Variants in ELMO1 observed in about 807,000 individuals in gnomAD.
The protein encoded by ELMO1 is engulfment and cell motility protein 1.
ELMO1 carries 26 observed loss-of-function variants against 98.9 expected under a neutral mutation model. The observed-to-expected ratio is 0.26, with a 90% CI of 0.19 to 0.36. ELMO1 has a LOEUF of 0.36. Among genes scored for constraint, ELMO1 ranks in the 10% least tolerant of loss-of-function variants. The pLI is 1.00. For synonymous variants in ELMO1, 346 were observed against 346.0 expected (o/e 1.00, Z 0.00); for missense variants, 627 against 935.2 (o/e 0.67, Z 4.30).
chr7:37,319,774 C>G (rs1301404363), intron 2 of ELMO1, among the ~76,000 whole-genome samples: 1 of 152,162 alleles, frequency 6.6e-6, no homozygotes, highest in Non-Finnish European at 1.5e-5. Flanking sequence ...TCTTCCACAA[C>G]CTCTCTCCCT....
At chr7:37,298,558 G>GT (rs1461672456) in intron 4 of ELMO1, among the ~76,000 whole-genome samples, 1 of 147,348 alleles carries the variant, frequency 6.8e-6, no homozygotes, top group African/African-American at 2.5e-5. Flanking sequence ...GCGGTGTTTG[G>GT]TTTTTTGTTC....
intron 4 of ELMO1, among the ~76,000 whole-genome samples, chr7:37,308,922 G>A (rs1210263484): frequency 1.3e-5 from 2 of 152,152 alleles, no homozygotes; most frequent in East Asian, 3.9e-4. Context: ...AGCAAGACAT[G>A]GGTTTAACAG....
In ELMO1 at chr7:37,420,357, G is replaced by A. The variant is rs79310753; in HGVS notation, c.-74+28318C>T. ...TATATTACCATGAAGCTAAGAAACC[G>A]TAATCTTCAGAGCCTTCCACTTGAC... On this transcript the variant is annotated intron_variant, in intron 1 of 21. Transcript: ENST00000310758. 4.5e-3 allele frequency among the ~76,000 whole-genome samples: 681 copies of A among 152,304 alleles called. 3 individuals carry two copies. Among genetic ancestry groups the A allele is most frequent in the African/African-American group, 0.016 (654 of 41,578 alleles).
At chr7:37,433,962 A>T (rs1241149531) in intron 1 of ELMO1, among the ~76,000 whole-genome samples, 1 of 152,182 alleles carries the variant, frequency 6.6e-6, no homozygotes, top group Non-Finnish European at 1.5e-5. Flanking sequence ...ATGGAACAAG[A>T]TTTTTATTAA....
At chr7:36,993,861 C>G (rs1432119621) in intron 16 of ELMO1, among the ~76,000 whole-genome samples, 1 of 152,182 alleles carries the variant, frequency 6.6e-6, no homozygotes, top group Admixed American at 6.5e-5. Flanking sequence ...CAATTCTCTC[C>G]ACACAATGAA....
At chr7:37,273,264 C>T (rs74636719) in intron 4 of ELMO1, among the ~76,000 whole-genome samples, 1,524 of 152,186 alleles carry the variant, frequency 0.01, 27 homozygotes, top group African/African-American at 0.035. Context: ...AATTGTAATC[C>T]CCATGTGTTA....
chr7:37,110,005 C>A (rs1249269772), intron 14 of ELMO1, among the ~76,000 whole-genome samples: 1 of 152,196 alleles, frequency 6.6e-6, no homozygotes, highest in Non-Finnish European at 1.5e-5. Flanking sequence ...GCAACCTTGA[C>A]CGCCTCCAGA....
At chr7:37,399,774 T>G (rs746918536) in intron 1 of ELMO1, among the ~76,000 whole-genome samples, 10 of 152,204 alleles carry the variant, frequency 6.6e-5, no homozygotes, top group Non-Finnish European at 1.3e-4. Flanking sequence ...AGGGACCATT[T>G]CCTGTATAAT....
chr7:36,933,612 C>T (rs1584395234), intron 16 of ELMO1, among the ~76,000 whole-genome samples: 1 of 152,292 alleles, frequency 6.6e-6, no homozygotes, highest in East Asian at 1.9e-4. Context: ...GTGTGCAACG[C>T]TTTCCTGCTA....
rs182000736 is a variant in ELMO1 at position 37,186,937 on chromosome 7, C to G, written c.1086+24449G>C. On this transcript the variant is annotated intron_variant, in intron 13 of 21. Transcript: ENST00000310758. Reference sequence around the variant, plus strand: ...TTAAACATAGAGTCAGTATGTGATACAATCAGTGTGCTTTTAAGTACAGAA... The same window carrying G: ...TTAAACATAGAGTCAGTATGTGATAGAATCAGTGTGCTTTTAAGTACAGAA... 1.1e-4 allele frequency among the ~76,000 whole-genome samples: 16 copies of G among 152,296 alleles called. No individual in the cohort carries two copies. The East Asian group carries it at 1.2e-3, about 11-fold the overall frequency.
intron 16 of ELMO1, among the ~76,000 whole-genome samples, chr7:36,911,620 T>C (rs982912070): frequency 2.6e-5 from 4 of 152,178 alleles, no homozygotes; most frequent in Non-Finnish European, 5.9e-5. Context: ...GATGCTGTTA[T>C]GGGAATACAT....
At chr7:36,958,971 A>C (rs1562856994) in intron 16 of ELMO1, among the ~76,000 whole-genome samples, 2 of 152,132 alleles carry the variant, frequency 1.3e-5, no homozygotes, top group East Asian at 3.9e-4. Context: ...TTGGGTGTCT[A>C]TCCGGGCATC....
intron 16 of ELMO1, among the ~76,000 whole-genome samples, chr7:36,955,328 C>G (rs1054602667): frequency 6.6e-6 from 1 of 152,220 alleles, no homozygotes. Flanking sequence ...TCATACTCAC[C>G]ACTATAACCC....
intron 16 of ELMO1, among the ~76,000 whole-genome samples, chr7:36,993,771 A>G (rs1792018112): frequency 6.6e-6 from 1 of 152,266 alleles, no homozygotes; most frequent in Non-Finnish European, 1.5e-5. Flanking sequence ...CCATGTATAT[A>G]CAATGGAAAA....
At chr7:37,248,280 T>C (rs894239793) in intron 6 of ELMO1, among the ~76,000 whole-genome samples, 4 of 152,128 alleles carry the variant, frequency 2.6e-5, no homozygotes, top group African/African-American at 9.7e-5. Context: ...GAAAGGTTGA[T>C]GTTTCACAGT....
chr7:37,275,481 G>T (rs751986701), intron 4 of ELMO1, among the ~76,000 whole-genome samples: 9 of 152,336 alleles, frequency 5.9e-5, no homozygotes, highest in South Asian at 2.1e-4. Context: ...CTTCTCACCA[G>T]CTGAGTGGAC....
chr7:37,159,185 G>C (rs578171019), intron 13 of ELMO1, among the ~76,000 whole-genome samples: 2 of 152,252 alleles, frequency 1.3e-5, no homozygotes, highest in African/African-American at 4.8e-5. Flanking sequence ...ATAGCATTAG[G>C]AGAAATACCT....
rs73688852 is a variant in ELMO1, at chr7:37,093,750, C to T, written c.1300+2869G>A. On this transcript the variant is annotated intron_variant, in intron 15 of 21. Transcript: ENST00000310758. ...AGCATTCAATCAGAAAGTAACAATC[C>T]TTAATATTTTATGAGCAGAAAACAA... 5.0e-3 allele frequency among the ~76,000 whole-genome samples: 768 copies of T among 152,250 alleles called. 9 individuals carry two copies. Among genetic ancestry groups the T allele is most frequent in the African/African-American group, 0.017 (725 of 41,546 alleles).
At chr7:37,222,806 G>C in intron 9 of ELMO1, 113 bp from the exon 10 acceptor site, 1 of 882,390 alleles carries the variant, frequency 1.1e-6, no homozygotes, top group South Asian at 1.6e-5. Flanking sequence ...AAAAAAGTGA[G>C]AGAGAAAGGC....
Sources: allele counts gnomAD v4.1 joint callset (sites outside exome capture counted in the v4.1 genomes callset), GRCh38; gene constraint gnomAD v4.1.1; transcripts MANE v1.5; gene names NCBI Gene and HGNC (gene_info 2026-07-23, HGNC 2026-07-21).